The following POSTN variants were observed in gnomAD, a reference collection of about 807,000 sequenced individuals.
POSTN encodes periostin, also known as osteoblast specific factor 2 (fasciclin I-like).
In POSTN, 71 loss-of-function variants were observed where a neutral mutation model predicts 104.5. That is an observed-to-expected ratio of 0.68 (90% CI 0.56 to 0.83). The LOEUF is 0.83. POSTN is among the 40% of genes least tolerant of loss of function. The pLI, the probability that POSTN is intolerant of heterozygous loss-of-function variation, is 0.00. For synonymous variants in POSTN, 355 were observed against 340.7 expected (o/e 1.04, Z -0.46); for missense variants, 949 against 1,006.8 (o/e 0.94, Z 0.78).
chr13:37,567,370 T>C (rs1950143420), intron 21 of POSTN, among the ~76,000 whole-genome samples: 1 of 150,242 alleles, frequency 6.7e-6, no homozygotes, highest in Non-Finnish European at 1.5e-5. Context: ...TGGCCAGACC[T>C]TGGAAAAAAA....
At chr13:37,582,271 G>A (rs1249458551) in intron 10 of POSTN, 95 bp downstream of exon 10, 14 of 1,381,758 alleles carry the variant, frequency 1.0e-5, no homozygotes, top group Non-Finnish European at 1.4e-5. Context: ...TTTACTATTA[G>A]AACCACACTC....
At chr13:37,589,498 C>A (rs994560132) in intron 4 of POSTN, among the ~76,000 whole-genome samples, 4 of 151,894 alleles carry the variant, frequency 2.6e-5, no homozygotes, top group African/African-American at 7.3e-5. Flanking sequence ...TCCCTCCCCC[C>A]TCCTCCCACC....
chr13:37,583,246 TTTTA>T (rs1320503587), intron 9 of POSTN, among the ~76,000 whole-genome samples: 1 of 152,110 alleles, frequency 6.6e-6, no homozygotes, highest in African/African-American at 2.4e-5. Context: ...AGTCTCTTCA[TTTTA>T]TTTATTTATA....
chr13:37,570,597 T>A lies in POSTN; in HGVS notation c.2252A>T (p.Glu751Val). Residue 751 changes from glutamate (E) to valine (V), a missense_variant, in exon 19 of 23, where the codon GAA becomes GTA. Transcript: ENST00000379747. ...ATGGCTACCTGTAATGATTCGTTCT[T>A]CTCGTGTCTCTTTTTCAGTTATTTC... ...PVEITEKETREERIITGPEIK... is the reference protein window; with the variant it reads ...PVEITEKETRVERIITGPEIK... The A allele has an allele frequency of 6.2e-7, 1 of 1,601,912 alleles. No individual in the cohort carries two copies. The highest frequency in any genetic ancestry group is 8.6e-7 in the Non-Finnish European group (1 of 1,169,376).
rs756465149 is a variant in POSTN, at chr13:37,586,123, G to A, written c.895+16C>T. On this transcript the variant is annotated intron_variant, in intron 7 of 22. Transcript: ENST00000379747. ...GAATGCTGGGAGACTCCTTAGAGAT[G>A]AAGACATTAAACTACCTTCGGAAGC... 6.2e-7 allele frequency: 1 copy of A among 1,604,566 alleles called. No homozygotes were observed. Among genetic ancestry groups the A allele is most frequent in the Non-Finnish European group, 8.5e-7 (1 of 1,174,758 alleles).
intron 2 of POSTN, among the ~76,000 whole-genome samples, chr13:37,595,829 G>C (rs933380636): frequency 6.4e-5 from 5 of 78,624 alleles, no homozygotes; most frequent in Non-Finnish European, 1.0e-4. Flanking sequence ...TTTTTTTTTT[G>C]AGACAGAGTC....
chr13:37,570,602 T>G lies in POSTN; in HGVS notation c.2247A>C (p.Thr749=), dbSNP rs955048321. ...GVPVEITEKE[T]REERIITGPE... ...TACCTGTAATGATTCGTTCTTCTCGTGTCTCTTTTTCAGTTATTTCCACAG... is the reference window on the plus strand; with the variant it reads ...TACCTGTAATGATTCGTTCTTCTCGGGTCTCTTTTTCAGTTATTTCCACAG... The change falls in exon 19 of 23, where the codon ACA becomes ACC. Residue 749 remains threonine (T), a synonymous_variant. Coordinates refer to ENST00000379747, the MANE Select transcript of POSTN (RefSeq NM_006475.3). 1.9e-5 allele frequency: 30 copies of G among 1,604,158 alleles called. No homozygotes were observed. Among genetic ancestry groups the G allele is most frequent in the Non-Finnish European group, 2.6e-5 (30 of 1,171,558 alleles).
chr13:37,575,278 C>CT lies in POSTN; in HGVS notation c.2009-627dup, dbSNP rs74262878. Among the ~76,000 whole-genome samples the CT allele has an allele frequency of 6.9e-3, 990 of 142,922 alleles. 11 individuals carry two copies. The highest frequency in any genetic ancestry group is 0.02 in the African/African-American group (774 of 39,230). 93.8% of individuals were successfully genotyped at this position (142,922 alleles called of 152,430 possible). ...AATTTTCAGCTTTGTTATCACTATC[C>CT]TTTTTTTTTTTTAATTTAAAGGTAT... is the stretch of plus-strand genomic sequence containing the variant. On this transcript the variant is annotated intron_variant, in intron 16 of 22. Transcript: ENST00000379747.
intron 19 of POSTN, among the ~76,000 whole-genome samples, chr13:37,570,041 C>T (rs1950219792): frequency 6.6e-6 from 1 of 151,874 alleles, no homozygotes; most frequent in Non-Finnish European, 1.5e-5. Flanking sequence ...TGGCACAAGC[C>T]ACACTTGCTC....
rs1440492437 is a variant in POSTN, at chr13:37,580,598, A to C, written c.1492T>G (p.Ser498Ala). Residue 498 changes from serine to alanine, a missense_variant, in exon 11 of 23, where the codon TCC becomes GCC. Coordinates refer to ENST00000379747, the MANE Select transcript of POSTN (RefSeq NM_006475.3). Reference sequence around the variant, plus strand: ...TCTTGTTTTAACTTTTCATGGAGGGATTTCTCTGCTGGCTTGATGATCTCG... The same window carrying C: ...TCTTGTTTTAACTTTTCATGGAGGGCTTTCTCTGCTGGCTTGATGATCTCG... ...FREIIKPAEK[S>A]LHEKLKQDKR... 1 of 1,613,980 alleles carries C rather than the reference A, an allele frequency of 6.2e-7. No homozygotes were observed. Among genetic ancestry groups the C allele is most frequent in the Non-Finnish European group, 8.5e-7 (1 of 1,179,978 alleles).
chr13:37,579,572 A>G (rs573801501), intron 12 of POSTN, among the ~76,000 whole-genome samples: 51 of 152,300 alleles, frequency 3.3e-4, no homozygotes, highest in African/African-American at 1.2e-3. Flanking sequence ...AAAAAAATCT[A>G]TTTATTTTCT....
intron 7 of POSTN, 106 bp downstream of exon 7, chr13:37,586,033 C>G (rs1950732398): frequency 8.7e-7 from 1 of 1,155,282 alleles, no homozygotes; most frequent in African/African-American, 1.5e-5. Flanking sequence ...AAAATTTTTC[C>G]CTGCCTTTGC....
At chr13:37,575,042 T>C (rs1219916548) in intron 16 of POSTN, among the ~76,000 whole-genome samples, 1 of 152,054 alleles carries the variant, frequency 6.6e-6, no homozygotes, top group African/African-American at 2.4e-5. Flanking sequence ...TTAAATTGCA[T>C]TGCTGGATTC....
Position 37,574,636 on chromosome 13 carries a change from G to T in POSTN, c.2025C>A (p.Thr675=), listed in dbSNP as rs768788521. ...PVTVYTTKII[T]KVVEPKIKVI... Reference sequence around the variant, plus strand: ...CTTTAATTTTTGGTTCCACAACTTTGGTTATAATTTTAGTTGCTGAAAGTA... The same window carrying T: ...CTTTAATTTTTGGTTCCACAACTTTTGTTATAATTTTAGTTGCTGAAAGTA... Residue 675 remains threonine (T), a synonymous_variant, in exon 17 of 23, where the codon ACC becomes ACA. Coordinates refer to ENST00000379747, the MANE Select transcript of POSTN (RefSeq NM_006475.3). 7 of 1,596,868 alleles carry T rather than the reference G, an allele frequency of 4.4e-6. No individual in the cohort carries two copies. Among genetic ancestry groups the T allele is most frequent in the South Asian group, 1.1e-5 (1 of 87,396 alleles).
At chr13:37,572,959 G>A (rs182748868) in intron 17 of POSTN, among the ~76,000 whole-genome samples, 10 of 151,588 alleles carry the variant, frequency 6.6e-5, no homozygotes, top group Admixed American at 1.3e-4. Flanking sequence ...TTATTAATGA[G>A]TAGGTGACAC....
At chr13:37,591,785 C>T (rs9566234) in intron 3 of POSTN, among the ~76,000 whole-genome samples, 44,757 of 151,826 alleles carry the variant, frequency 0.29, 7,019 homozygotes, top group Non-Finnish European at 0.35. Context: ...GAAGTTTTGC[C>T]AAGTAGTTGA....
rs527510920 is a variant in POSTN at position 37,583,684 on chromosome 13, C to T, written c.1243+285G>A. 4.6e-5 allele frequency among the ~76,000 whole-genome samples: 7 copies of T among 152,080 alleles called. No homozygotes were observed. In the South Asian group the frequency reaches 8.3e-4, roughly 18 times the overall value. On this transcript the variant is annotated intron_variant, in intron 9 of 22. Coordinates refer to ENST00000379747, the MANE Select transcript of POSTN (RefSeq NM_006475.3). ...AAGTGATCTGCCTGTCTTGGCCTCC[C>T]GAAGTGCTGGGATTACAGGTGTGAG...
intron 4 of POSTN, 108 bp downstream of exon 4, chr13:37,590,264 A>G (rs1183695892): frequency 2.3e-5 from 20 of 870,440 alleles, no homozygotes; most frequent in East Asian, 2.2e-4. Context: ...TCATATATGT[A>G]CAATAGAAAG....
chr13:37,588,408 A>G (rs1160250775), intron 4 of POSTN, among the ~76,000 whole-genome samples: 1 of 152,206 alleles, frequency 6.6e-6, no homozygotes, highest in Non-Finnish European at 1.5e-5. Flanking sequence ...CAAATTCAAG[A>G]ATTCAACTGT....
Sources: gnomAD v4.1 joint callset for allele counts (sites outside exome capture counted in the v4.1 genomes callset) on GRCh38, gnomAD v4.1.1 for gene constraint, MANE v1.5 for transcripts, NCBI Gene and HGNC (gene_info 2026-07-23, HGNC 2026-07-21) for gene names.